Variants in VWC2 observed in about 807,000 individuals in gnomAD.
VWC2 encodes the protein von Willebrand factor C domain containing 2, also known as brorin.
A neutral mutation model predicts 29.8 loss-of-function variants in VWC2; 14 were observed. That is an observed-to-expected ratio of 0.47 (90% CI 0.31 to 0.74). The LOEUF is 0.74. Ranked by LOEUF, VWC2 falls within the 30% of genes least tolerant of loss-of-function variation. The pLI, the probability that VWC2 is intolerant of heterozygous loss-of-function variation, is 0.05. For synonymous variants in VWC2, 213 were observed against 199.0 expected, an observed-to-expected ratio of 1.07 and a Z score of -0.59; for missense variants, 457 against 459.8, an observed-to-expected ratio of 0.99 and a Z score of 0.05.
chr7:49,873,079 T>C (rs1791243977), intron 3 of VWC2, among the ~76,000 whole-genome samples: 1 of 151,988 alleles, frequency 6.6e-6, no homozygotes, highest in African/African-American at 2.4e-5. Context: ...CCTTAGTAGT[T>C]TTCAGGGAAC....
chr7:49,775,593 G>A lies in VWC2; in HGVS notation c.158G>A (p.Arg53Gln), dbSNP rs1429923059. The change falls in exon 2 of 4, where the codon CGG becomes CAG. Residue 53 changes from arginine (R) to glutamine (Q), a missense_variant. Physicochemically the swap from Arg to Gln is conservative, Grantham distance 43 (BLOSUM62 1). This residue lies in a region of VWC2 where 272 missense variants were observed against 202.7 expected (regional missense o/e 1.34). Transcript: ENST00000340652. ...CAGGAGAAGCGTGAGCACGCCTCTC[G>A]GGACGGCCCGGGGCGGGTGAACGAG... ...PGQEKREHAS[R>Q]DGPGRVNELG... 6.5e-7 allele frequency: 1 copy of A among 1,536,032 alleles called. No homozygotes were observed. Among genetic ancestry groups the A allele is most frequent in the East Asian group, 2.5e-5 (1 of 39,848 alleles).
rs73347658 is a variant in VWC2 at position 49,790,195 on chromosome 7, A to G, written c.697-12516A>G. 3.9e-3 allele frequency among the ~76,000 whole-genome samples: 594 copies of G among 152,364 alleles called. 3 individuals are homozygous for G. The highest frequency in any genetic ancestry group is 0.014 in the African/African-American group (567 of 41,590). On this transcript the variant is annotated intron_variant, in intron 2 of 3. Transcript: ENST00000340652. ...TGATCTGTATTAATGTGAGGGAATT[A>G]TTCAGGAGAGGATTTAAAAGATGTT...
intron 3 of VWC2, among the ~76,000 whole-genome samples, chr7:49,806,247 G>A (rs1246366378): frequency 6.6e-6 from 1 of 152,208 alleles, no homozygotes; most frequent in East Asian, 1.9e-4. Context: ...GCTCCCATTA[G>A]CGATCAGAAG....
chr7:49,832,462 T>C lies in VWC2; in HGVS notation c.826+29622T>C, dbSNP rs568054453. 1.5e-4 allele frequency among the ~76,000 whole-genome samples: 23 copies of C among 152,000 alleles called. No individual in the cohort carries two copies. In the South Asian group the frequency reaches 2.9e-3, roughly 19 times the overall value. On this transcript the variant is annotated intron_variant, in intron 3 of 3. Transcript: ENST00000340652. ...GTTCCTATGAGCTGATCAGAGGAGG[T>C]TGGCTTTATAGGCAGAAAGGACTTA...
intron 3 of VWC2, among the ~76,000 whole-genome samples, chr7:49,894,111 G>A (rs575981472): frequency 4.9e-4 from 75 of 152,122 alleles, no homozygotes; most frequent in Middle Eastern, 3.4e-3. Flanking sequence ...TTCTGGAAGG[G>A]GAGGAGATAT....
chr7:49,847,294 A>G (rs1287823626), intron 3 of VWC2, among the ~76,000 whole-genome samples: 2 of 151,532 alleles, frequency 1.3e-5, no homozygotes, highest in Non-Finnish European at 2.9e-5. Flanking sequence ...ATTTGCGACT[A>G]TTGACAAGTT....
At position 49,813,066 on chromosome 7, in the gene VWC2, C is replaced by T. The variant is rs140302941; in HGVS notation, c.826+10226C>T. ...AGTCCAACTCCCCACATGTCCCGCT[C>T]TCCTGTTACTATTTTCTTGCCATGC... is the stretch of plus-strand genomic sequence containing the variant. On this transcript the variant is annotated intron_variant, in intron 3 of 3. Transcript: ENST00000340652. Among the ~76,000 whole-genome samples the T allele has an allele frequency of 6.9e-4, 105 of 152,332 alleles. 1 individual carries two copies. Among genetic ancestry groups the T allele is most frequent in the African/African-American group, 2.4e-3 (98 of 41,570 alleles).
At position 49,917,180 on chromosome 7, in the gene VWC2, C is replaced by T. The variant is rs373223112; in HGVS notation, c.*4995C>T. 5.9e-5 allele frequency: 9 copies of T among 152,156 alleles called. No individual in the cohort carries two copies. In the East Asian group the frequency reaches 1.7e-3, roughly 29 times the overall value. 9.4% of individuals were successfully genotyped at this position (152,156 alleles called of 1,614,324 possible). ...ACAATAATGAGCTGAGTCATTTGTACAGAAATATAGTAGCTTCCATAATCT... is the reference window on the plus strand; with the variant it reads ...ACAATAATGAGCTGAGTCATTTGTATAGAAATATAGTAGCTTCCATAATCT... On this transcript the variant is annotated 3_prime_UTR_variant, in exon 4 of 4. Transcript: ENST00000340652.
intron 2 of VWC2, among the ~76,000 whole-genome samples, chr7:49,790,261 G>A (rs1788435822): frequency 6.6e-6 from 1 of 152,204 alleles, no homozygotes; most frequent in African/African-American, 2.4e-5. Context: ...CCATAAAGAA[G>A]GAAAAGTTGT....
intron 3 of VWC2, among the ~76,000 whole-genome samples, chr7:49,870,861 C>T (rs2128723200): frequency 6.6e-6 from 1 of 152,326 alleles, no homozygotes; most frequent in African/African-American, 2.4e-5. Flanking sequence ...GTTCAAGAAA[C>T]CATCAACAAA....
Position 49,779,584 on chromosome 7 carries a change from TA to T in VWC2, c.696+3454del, listed in dbSNP as rs201115864. Reference sequence around the variant, plus strand: ...GAATAAGGAAACTTGTCTATTGGCTTATTTTTTTTTTTCAGTAAAGGAATGA... The same window carrying T: ...GAATAAGGAAACTTGTCTATTGGCTTTTTTTTTTTTTCAGTAAAGGAATGA... On this transcript the variant is annotated intron_variant, in intron 2 of 3. Coordinates refer to ENST00000340652, the MANE Select transcript of VWC2 (RefSeq NM_198570.5). Among the ~76,000 whole-genome samples, 905 of 127,432 alleles carry T rather than the reference TA, an allele frequency of 7.1e-3. 10 individuals carry two copies. The highest frequency in any genetic ancestry group is 0.029 in the African/African-American group (861 of 29,644). The allele number at this position is 127,432 out of a possible 152,430, so 83.6% of individuals were successfully genotyped here. A position where few individuals can be genotyped will look rare whatever the true frequency, so the allele number is the denominator to read the frequency against.
chr7:49,867,745 C>G (rs1790964981), intron 3 of VWC2, among the ~76,000 whole-genome samples: 1 of 152,248 alleles, frequency 6.6e-6, no homozygotes, highest in African/African-American at 2.4e-5. Flanking sequence ...AAAGTACAAA[C>G]AGCAGAAGAC....
At chr7:49,811,335 G>A (rs901747530) in intron 3 of VWC2, among the ~76,000 whole-genome samples, 1 of 152,166 alleles carries the variant, frequency 6.6e-6, no homozygotes, top group Non-Finnish European at 1.5e-5. Flanking sequence ...GTTGTGGGAG[G>A]GAAATAGTGG....
At position 49,848,271 on chromosome 7, in the gene VWC2, C is replaced by T. The variant is rs571727628; in HGVS notation, c.826+45431C>T. 1.4e-4 allele frequency among the ~76,000 whole-genome samples: 21 copies of T among 152,294 alleles called. No individual in the cohort carries two copies. In the East Asian group the frequency reaches 3.7e-3, roughly 27 times the overall value. ...AGCACTAGCTGTCCAGAGAGTGTCA[C>T]CCTCCCACCTCCACTCAGAGCCTCC... On this transcript the variant is annotated intron_variant, in intron 3 of 3. Coordinates refer to ENST00000340652, the MANE Select transcript of VWC2 (RefSeq NM_198570.5).
intron 3 of VWC2, among the ~76,000 whole-genome samples, chr7:49,868,799 T>G (rs564550583): frequency 4.6e-5 from 7 of 152,204 alleles, no homozygotes; most frequent in Non-Finnish European, 7.4e-5. Flanking sequence ...TTTGTATTTT[T>G]GTAGAGACAA....
intron 3 of VWC2, among the ~76,000 whole-genome samples, chr7:49,838,454 G>A (rs1789715404): frequency 6.6e-6 from 1 of 152,098 alleles, no homozygotes; most frequent in Non-Finnish European, 1.5e-5. Flanking sequence ...GATTGAAGCA[G>A]ACTCCGGTCT....
At chr7:49,822,669 C>A (rs1246424707) in intron 3 of VWC2, among the ~76,000 whole-genome samples, 1 of 152,194 alleles carries the variant, frequency 6.6e-6, no homozygotes, top group African/African-American at 2.4e-5. Context: ...GAACTCCTGG[C>A]TTCAAGTGAT....
chr7:49,899,969 C>T (rs1316945204), intron 3 of VWC2, among the ~76,000 whole-genome samples: 1 of 151,782 alleles, frequency 6.6e-6, no homozygotes, highest in Non-Finnish European at 1.5e-5. Flanking sequence ...CATACAATAG[C>T]TGCTCTCAGA....
At chr7:49,908,632 A>T (rs1460445336) in intron 3 of VWC2, among the ~76,000 whole-genome samples, 1 of 152,036 alleles carries the variant, frequency 6.6e-6, no homozygotes, top group African/African-American at 2.4e-5. Context: ...CCCAGTCAGT[A>T]TACTACACGT....
Sources: allele counts gnomAD v4.1 joint callset (sites outside exome capture counted in the v4.1 genomes callset), GRCh38; gene constraint gnomAD v4.1.1; regional missense constraint gnomAD v4.1.1; transcripts MANE v1.5; gene names NCBI Gene and HGNC (gene_info 2026-07-23, HGNC 2026-07-21).